CDH12: variants seen among roughly 807,000 people sequenced by gnomAD.
The protein encoded by CDH12 is cadherin-12.
CDH12 carries 41 observed loss-of-function variants against 74.1 expected under a neutral mutation model. That is an observed-to-expected ratio of 0.55 (90% CI 0.43 to 0.72). The LOEUF is 0.72. Ranked by LOEUF, CDH12 falls within the 30% of genes least tolerant of loss-of-function variation. CDH12 has a pLI of 0.00. For synonymous variants in CDH12, 399 were observed against 355.0 expected, an observed-to-expected ratio of 1.12 and a Z score of -1.39; for missense variants, 945 against 977.2, an observed-to-expected ratio of 0.97 and a Z score of 0.44.
intron 3 of CDH12, among the ~76,000 whole-genome samples, chr5:22,397,867 T>C (rs1261059112): frequency 6.6e-6 from 1 of 151,958 alleles, no homozygotes; most frequent in African/African-American, 2.4e-5. Flanking sequence ...ATTTAGGACA[T>C]ATGCAGGGGG....
intron 4 of CDH12, among the ~76,000 whole-genome samples, chr5:22,154,168 A>G (rs1269832666): frequency 6.6e-6 from 1 of 150,502 alleles, no homozygotes; most frequent in East Asian, 1.9e-4. Context: ...ATATGTATAT[A>G]TTATGAAATG....
intron 4 of CDH12, among the ~76,000 whole-genome samples, chr5:22,205,283 C>G (rs1399244608): frequency 6.6e-6 from 1 of 152,028 alleles, no homozygotes; most frequent in Non-Finnish European, 1.5e-5. Context: ...TGAGTTGCAG[C>G]TTTGAATAAA....
chr5:22,535,271 C>T (rs1434417785), intron 1 of CDH12, among the ~76,000 whole-genome samples: 31 of 148,190 alleles, frequency 2.1e-4, no homozygotes, highest in African/African-American at 7.4e-4. Flanking sequence ...TCTCCTACTT[C>T]AGCCTCCCGA....
At position 21,781,724 on chromosome 5, in the gene CDH12, C is replaced by CAA. The variant is rs10656219; in HGVS notation, c.1393+1632_1393+1633dup. Reference sequence around the variant, plus strand: ...AGGTGACAGAGTGAGACTATTATCTCAAAAAAAAAAAAAGTGGCAACCAAT... The same window carrying CAA: ...AGGTGACAGAGTGAGACTATTATCTCAAAAAAAAAAAAAAAGTGGCAACCAAT... On this transcript the variant is annotated intron_variant, in intron 11 of 14. Transcript: ENST00000382254. Among the ~76,000 whole-genome samples, 666 of 144,500 alleles carry CAA rather than the reference C, an allele frequency of 4.6e-3. 1 individual carries two copies. Among genetic ancestry groups the CAA allele is most frequent in the East Asian group, 9.8e-3 (48 of 4,920 alleles). The allele number at this position is 144,500 out of a possible 152,430, so 94.8% of individuals were successfully genotyped here. A position where few individuals can be genotyped will look rare whatever the true frequency, so the allele number is the denominator to read the frequency against.
At chr5:22,746,092 AT>A (rs1388614446) in intron 1 of CDH12, among the ~76,000 whole-genome samples, 3 of 152,098 alleles carry the variant, frequency 2.0e-5, no homozygotes, top group Non-Finnish European at 2.9e-5. Flanking sequence ...ATTGAAAAAA[AT>A]ATTTTAATAT....
At chr5:22,810,751 C>T (rs181477817) in intron 1 of CDH12, among the ~76,000 whole-genome samples, 107 of 152,066 alleles carry the variant, frequency 7.0e-4, no homozygotes, top group East Asian at 5.6e-3. Context: ...CAGTGGTATA[C>T]GCATGTAGGC....
intron 2 of CDH12, among the ~76,000 whole-genome samples, chr5:22,449,363 C>T (rs183282345): frequency 7.2e-5 from 11 of 152,154 alleles, no homozygotes; most frequent in African/African-American, 2.6e-4. Context: ...ACCCCATTAA[C>T]TCCCTTGACA....
rs542507765 is a variant in CDH12 at position 22,088,231 on chromosome 5, GC to G, written c.-186-9370del. Among the ~76,000 whole-genome samples, 22 of 152,200 alleles carry G rather than the reference GC, an allele frequency of 1.4e-4. No individual in the cohort carries two copies. The South Asian group carries it at 4.4e-3, about 30-fold the overall frequency. On this transcript the variant is annotated intron_variant, in intron 4 of 14. Coordinates refer to ENST00000382254, the MANE Select transcript of CDH12 (RefSeq NM_004061.5). ...CTAGAAATGGTCTTAAGTGTATTCA[GC>G]AAACAAAATAACACTCATTGCCAGC...
intron 1 of CDH12, among the ~76,000 whole-genome samples, chr5:22,527,880 T>G (rs953089134): frequency 2.6e-5 from 4 of 152,158 alleles, no homozygotes; most frequent in Admixed American, 2.6e-4. Flanking sequence ...CTCCCTGAAC[T>G]GCAACACTAA....
At chr5:22,635,344 A>G (rs1738784799) in intron 1 of CDH12, among the ~76,000 whole-genome samples, 1 of 152,188 alleles carries the variant, frequency 6.6e-6, no homozygotes, top group Non-Finnish European at 1.5e-5. Context: ...AAGAATTCAT[A>G]CAAAATTTAT....
intron 1 of CDH12, among the ~76,000 whole-genome samples, chr5:22,642,996 T>C (rs1213213908): frequency 6.6e-6 from 1 of 152,098 alleles, no homozygotes; most frequent in East Asian, 1.9e-4. Flanking sequence ...TTCCCAGAGG[T>C]AATAATGAAA....
At chr5:21,939,829 G>A (rs897808355) in intron 6 of CDH12, among the ~76,000 whole-genome samples, 6 of 152,122 alleles carry the variant, frequency 3.9e-5, no homozygotes, top group African/African-American at 1.4e-4. Context: ...TTTACCTAAT[G>A]TATACACATT....
intron 3 of CDH12, among the ~76,000 whole-genome samples, chr5:22,345,043 T>A (rs1184548585): frequency 6.6e-6 from 1 of 152,252 alleles, no homozygotes; most frequent in African/African-American, 2.4e-5. Context: ...CGAACTTTGA[T>A]TTTTGAAACT....
intron 4 of CDH12, among the ~76,000 whole-genome samples, chr5:22,169,927 G>C (rs1419155276): frequency 6.6e-6 from 1 of 151,788 alleles, no homozygotes; most frequent in Non-Finnish European, 1.5e-5. Flanking sequence ...GTTAATATAT[G>C]TCTTCCATAT....
At chr5:21,845,240 A>C (rs141885089) in intron 7 of CDH12, among the ~76,000 whole-genome samples, 7 of 152,276 alleles carry the variant, frequency 4.6e-5, no homozygotes, top group Admixed American at 1.3e-4. Flanking sequence ...CAAAGAAATG[A>C]CAAGTTGGTA....
chr5:22,625,414 G>A (rs907959368), intron 1 of CDH12, among the ~76,000 whole-genome samples: 12 of 152,154 alleles, frequency 7.9e-5, no homozygotes, highest in African/African-American at 2.9e-4. Flanking sequence ...TGGAATTCTG[G>A]TGCACAACCC....
chr5:22,414,841 T>G (rs768122575), intron 2 of CDH12, among the ~76,000 whole-genome samples: 3 of 151,998 alleles, frequency 2.0e-5, no homozygotes, highest in Non-Finnish European at 4.4e-5. Context: ...GAAAAAAAGC[T>G]TTAGAAGACT....
At chr5:22,571,869 C>G (rs1428356000) in intron 1 of CDH12, among the ~76,000 whole-genome samples, 1 of 152,072 alleles carries the variant, frequency 6.6e-6, no homozygotes, top group Non-Finnish European at 1.5e-5. Flanking sequence ...CACTACAAAA[C>G]TATTACAACA....
At chr5:22,240,834 G>A (rs959543562) in intron 3 of CDH12, among the ~76,000 whole-genome samples, 1 of 152,092 alleles carries the variant, frequency 6.6e-6, no homozygotes, top group Non-Finnish European at 1.5e-5. Flanking sequence ...GCCGCACCTG[G>A]CCGGATAGTA....
Sources: allele counts gnomAD v4.1 joint callset (sites outside exome capture counted in the v4.1 genomes callset), GRCh38; gene constraint gnomAD v4.1.1; transcripts MANE v1.5; gene names NCBI Gene and HGNC (gene_info 2026-07-23, HGNC 2026-07-21).